RERE: variants seen among roughly 807,000 people sequenced by gnomAD.
The protein encoded by RERE is arginine-glutamic acid dipeptide repeats, also known as arginine-glutamic acid dipeptide repeats protein.
A neutral mutation model predicts 146.1 loss-of-function variants in RERE; 40 were observed. The observed-to-expected ratio is 0.27, with a 90% CI of 0.21 to 0.36. The LOEUF (loss-of-function observed/expected upper bound fraction) is 0.36. RERE is among the 10% of genes least tolerant of loss of function. The pLI, the probability that RERE is intolerant of heterozygous loss-of-function variation, is 1.00. For missense variants in RERE, 1,933 were observed against 2,138.7 expected (o/e 0.90, Z 1.90); for synonymous variants, 1,003 against 866.0 (o/e 1.16, Z -2.78).
At chr1:8,462,210 G>A (rs541371067) in intron 11 of RERE, among the ~76,000 whole-genome samples, 1 of 152,278 alleles carries the variant, frequency 6.6e-6, no homozygotes, top group South Asian at 2.1e-4. Flanking sequence ...TTTTTAAAAG[G>A]ATTACCTTGA....
rs369216854 is a variant in RERE at position 8,557,419 on chromosome 1, A to G, written c.627T>C (p.Asn209=). The change falls in exon 5 of 23, where the codon AAT becomes AAC. Residue 209 remains asparagine (N), a splice_region_variant and synonymous_variant. Coordinates refer to ENST00000400908, the MANE Select transcript of RERE (RefSeq NM_001042681.2). ...ATCAAACCACAAGGACATATTTACC[A>G]TTTTCATTATGTCGATCCTGAACCA... ...QHLVQDRHNE[N]DSGRELVITD... 5.1e-6 allele frequency: 8 copies of G among 1,578,630 alleles called. No homozygotes were observed. The African/African-American group carries it at 5.4e-5, about 11-fold the overall frequency.
intron 13 of RERE, 56 bp downstream of exon 13, chr1:8,365,756 G>C (rs1013246788): frequency 2.6e-5 from 42 of 1,590,778 alleles, no homozygotes; most frequent in Non-Finnish European, 3.4e-5. Flanking sequence ...GAGTGGGACA[G>C]GCTGCCCGTG....
At chr1:8,446,243 T>C (rs1321949173) in intron 11 of RERE, among the ~76,000 whole-genome samples, 1 of 152,232 alleles carries the variant, frequency 6.6e-6, no homozygotes, top group Non-Finnish European at 1.5e-5. Context: ...TAGTCTGATA[T>C]GGGCTTCCCT....
intron 4 of RERE, among the ~76,000 whole-genome samples, chr1:8,561,185 A>G (rs1422900763): frequency 1.3e-5 from 2 of 152,206 alleles, no homozygotes; most frequent in Non-Finnish European, 2.9e-5. Flanking sequence ...TATACTTTAC[A>G]ATGGCAGTGA....
At chr1:8,626,307 C>T (rs930588819) in intron 2 of RERE, among the ~76,000 whole-genome samples, 1 of 152,160 alleles carries the variant, frequency 6.6e-6, no homozygotes. Context: ...CATTTCAGAT[C>T]TCTAGTTATC....
chr1:8,726,835 T>C (rs971436404), intron 1 of RERE, among the ~76,000 whole-genome samples: 3 of 152,242 alleles, frequency 2.0e-5, no homozygotes, highest in African/African-American at 7.2e-5. Flanking sequence ...AGAAGAAGTC[T>C]CCCTCTATTG....
intron 10 of RERE, among the ~76,000 whole-genome samples, chr1:8,470,319 G>C (rs938854200): frequency 3.3e-5 from 5 of 152,096 alleles, no homozygotes; most frequent in African/African-American, 1.2e-4. Context: ...CTGGAGTGCA[G>C]TGGCGTGATC....
chr1:8,395,431 C>T (rs1325197920), intron 12 of RERE, among the ~76,000 whole-genome samples: 5 of 150,266 alleles, frequency 3.3e-5, no homozygotes, highest in Non-Finnish European at 2.9e-5. Context: ...GCTGAGATCA[C>T]GCCACTACAC....
At chr1:8,466,083 A>C in intron 10 of RERE, 60 bp from the exon 11 acceptor site, 4 of 1,344,956 alleles carry the variant, frequency 3.0e-6, no homozygotes, top group East Asian at 4.7e-5. Context: ...GACACAATCG[A>C]TCCAAGGCAA....
At chr1:8,767,624 GA>G (rs1324223588) in intron 1 of RERE, among the ~76,000 whole-genome samples, 2 of 147,620 alleles carry the variant, frequency 1.4e-5, no homozygotes, top group Non-Finnish European at 1.5e-5. Context: ...AAAAGAGAAA[GA>G]AAAAAAATGC....
intron 2 of RERE, among the ~76,000 whole-genome samples, chr1:8,633,824 G>A (rs1475317382): frequency 6.6e-6 from 1 of 152,122 alleles, no homozygotes; most frequent in African/African-American, 2.4e-5. Context: ...AGCTACTGAG[G>A]AGGCTGAGGT....
At chr1:8,574,730 A>G (rs1452250104) in intron 4 of RERE, among the ~76,000 whole-genome samples, 1 of 152,232 alleles carries the variant, frequency 6.6e-6, no homozygotes, top group African/African-American at 2.4e-5. Context: ...GAAGACAGAC[A>G]TAACTAATCT....
chr1:8,521,149 A>G (rs988464460), intron 7 of RERE, among the ~76,000 whole-genome samples: 1 of 145,642 alleles, frequency 6.9e-6, no homozygotes, highest in African/African-American at 2.5e-5. Context: ...CAATATTATA[A>G]ATTATGGAAG....
chr1:8,372,662 C>CAACA (rs910949581), intron 12 of RERE, among the ~76,000 whole-genome samples: 13 of 152,326 alleles, frequency 8.5e-5, no homozygotes, highest in Middle Eastern at 6.8e-3. Context: ...GTTTTACGAC[C>CAACA]AACAGCAAAG....
chr1:8,700,949 TTAAA>T (rs1377535352), intron 1 of RERE, among the ~76,000 whole-genome samples: 1 of 152,134 alleles, frequency 6.6e-6, no homozygotes, highest in Non-Finnish European at 1.5e-5. Flanking sequence ...AAGTCAACTA[TTAAA>T]TAAGTAAACA....
At position 8,717,311 on chromosome 1, in the gene RERE, T is replaced by C. The variant is rs946812128; in HGVS notation, c.-144-60870A>G. On this transcript the variant is annotated intron_variant, in intron 1 of 22. Coordinates refer to ENST00000400908, the MANE Select transcript of RERE (RefSeq NM_001042681.2). ...TGCAAGTTAATCATTAGGTCAACAGTGGTAGTTTTCAGTATTTCTCAAACA... is the reference window on the plus strand; with the variant it reads ...TGCAAGTTAATCATTAGGTCAACAGCGGTAGTTTTCAGTATTTCTCAAACA... Among the ~76,000 whole-genome samples the C allele has an allele frequency of 2.6e-5, 4 of 152,174 alleles. No homozygotes were observed. In the East Asian group the frequency reaches 5.8e-4, roughly 22 times the overall value.
At chr1:8,422,509 T>C (rs536899688) in intron 12 of RERE, among the ~76,000 whole-genome samples, 18 of 152,336 alleles carry the variant, frequency 1.2e-4, no homozygotes, top group Admixed American at 2.6e-4. Flanking sequence ...CAGAAGTCTA[T>C]GTTCTCCAGG....
intron 4 of RERE, among the ~76,000 whole-genome samples, chr1:8,590,579 C>A (rs1646480480): frequency 6.6e-6 from 1 of 152,152 alleles, no homozygotes; most frequent in South Asian, 2.1e-4. Context: ...CCCTCAAAGG[C>A]CAAGTTAGTG....
intron 2 of RERE, among the ~76,000 whole-genome samples, chr1:8,655,040 C>CT (rs1009729490): frequency 8.5e-5 from 13 of 152,064 alleles, no homozygotes; most frequent in African/African-American, 3.1e-4. Context: ...TTGAGTCTGT[C>CT]TTTTTTTGAG....
Sources: allele counts gnomAD v4.1 joint callset (sites outside exome capture counted in the v4.1 genomes callset), GRCh38; gene constraint gnomAD v4.1.1; transcripts MANE v1.5; gene names NCBI Gene and HGNC (gene_info 2026-07-23, HGNC 2026-07-21).